The following HEATR5B variants were observed in gnomAD, a reference collection of about 807,000 sequenced individuals.
The protein encoded by HEATR5B is HEAT repeat containing 5B, also known as HEAT repeat-containing protein 5B.
HEATR5B carries 156 observed loss-of-function variants against 224.1 expected under a neutral mutation model. The ratio of observed to expected loss-of-function variants is 0.70; its 90% CI spans 0.61 to 0.80. The LOEUF (loss-of-function observed/expected upper bound fraction) is 0.80. Among genes scored for constraint, HEATR5B ranks in the 30% least tolerant of loss-of-function variants. The pLI, the probability that HEATR5B is intolerant of heterozygous loss-of-function variation, is 0.00. For synonymous variants in HEATR5B, 1,027 were observed against 893.0 expected (o/e 1.15, Z -2.68); for missense variants, 2,323 against 2,535.5 (o/e 0.92, Z 1.80).
intron 17 of HEATR5B, 87 bp downstream of exon 17, chr2:37,053,415 A>C (rs772365350): frequency 1.6e-6 from 1 of 625,280 alleles, no homozygotes; most frequent in Non-Finnish European, 2.6e-6. Flanking sequence ...TTTACATATA[A>C]ACATTATAAT....
chr2:37,010,878 C>A (rs1667742567), intron 27 of HEATR5B, among the ~76,000 whole-genome samples: 6 of 150,260 alleles, frequency 4.0e-5, no homozygotes. Flanking sequence ...CACCTTTTGC[C>A]TTGAATTTGT....
At chr2:37,020,979 C>A (rs1668424410) in intron 24 of HEATR5B, 143 bp from the exon 25 acceptor site, 1 of 570,008 alleles carries the variant, frequency 1.8e-6, no homozygotes, top group African/African-American at 1.9e-5. Context: ...ATATTATATT[C>A]TTTCAAGACA....
intron 31 of HEATR5B, 142 bp from the exon 32 acceptor site, chr2:37,002,714 G>A: frequency 1.2e-6 from 1 of 816,502 alleles, no homozygotes; most frequent in Non-Finnish European, 1.9e-6. Flanking sequence ...ATAATTCTCT[G>A]CCTCCCTAGA....
At chr2:37,007,735 T>TA (rs1430333421) in intron 28 of HEATR5B, among the ~76,000 whole-genome samples, 6 of 152,344 alleles carry the variant, frequency 3.9e-5, no homozygotes, top group Non-Finnish European at 8.8e-5. Context: ...CTCCTCTTTA[T>TA]AAAGCCACCA....
intron 35 of HEATR5B, among the ~76,000 whole-genome samples, chr2:36,988,033 T>C (rs1666062162): frequency 6.6e-6 from 1 of 151,682 alleles, no homozygotes. Context: ...GATGGTGCCA[T>C]TGCATGCCAG....
intron 25 of HEATR5B, 64 bp downstream of exon 25, chr2:37,020,591 T>A: frequency 8.1e-7 from 1 of 1,239,470 alleles, no homozygotes; most frequent in Non-Finnish European, 1.1e-6. Flanking sequence ...CCAGGAAGTC[T>A]GCACTTCTTC....
Position 37,053,452 on chromosome 2 carries a change from T to C in HEATR5B, c.2505+50A>G, listed in dbSNP as rs751790101. 1.0e-5 allele frequency: 10 copies of C among 981,010 alleles called. No homozygotes were observed. The South Asian group carries it at 1.3e-4, about 13-fold the overall frequency. 60.8% of individuals were successfully genotyped at this position (981,010 alleles called of 1,614,324 possible). A position where few individuals can be genotyped will look rare whatever the true frequency, so the allele number is the denominator to read the frequency against. On this transcript the variant is annotated intron_variant, in intron 17 of 35. Coordinates refer to ENST00000233099, the MANE Select transcript of HEATR5B (RefSeq NM_019024.3). ...ATCTTGCTATGTCTGGCTTATTAAA[T>C]GCATTAATTAAAAACTTATTTCAGA... is the stretch of plus-strand genomic sequence containing the variant.
intron 18 of HEATR5B, among the ~76,000 whole-genome samples, chr2:37,043,035 T>C (rs1323714852): frequency 6.6e-6 from 1 of 152,044 alleles, no homozygotes; most frequent in Non-Finnish European, 1.5e-5. Flanking sequence ...GCAGAAATAA[T>C]AGCCAACAAC....
chr2:36,994,901 C>T (rs1666586405), intron 33 of HEATR5B, among the ~76,000 whole-genome samples: 1 of 151,722 alleles, frequency 6.6e-6, no homozygotes. Context: ...CAGGTGCCTG[C>T]CACCACGCCT....
intron 18 of HEATR5B, among the ~76,000 whole-genome samples, chr2:37,042,015 C>A (rs1669903696): frequency 6.6e-6 from 1 of 151,696 alleles, no homozygotes; most frequent in South Asian, 2.1e-4. Flanking sequence ...ATGATTTGAA[C>A]CTCTTTAAAA....
intron 19 of HEATR5B, 23 bp downstream of exon 19, chr2:37,041,110 T>A: frequency 5.7e-6 from 9 of 1,581,548 alleles, no homozygotes; most frequent in Non-Finnish European, 7.7e-6. Flanking sequence ...ACTTTTGTAA[T>A]AAAAAAACCA....
intron 18 of HEATR5B, among the ~76,000 whole-genome samples, chr2:37,048,010 G>C (rs1379244663): frequency 6.6e-6 from 1 of 152,038 alleles, no homozygotes; most frequent in Non-Finnish European, 1.5e-5. Context: ...GAAAAAATGG[G>C]TAACAAAATC....
chr2:37,037,556 C>A, intron 21 of HEATR5B, among the ~76,000 whole-genome samples: 1 of 151,466 alleles, frequency 6.6e-6, no homozygotes, highest in Non-Finnish European at 1.5e-5. Context: ...AACTGAAGTT[C>A]AAAAAACAAA....
intron 10 of HEATR5B, among the ~76,000 whole-genome samples, chr2:37,062,321 T>G (rs1057162799): frequency 1.3e-5 from 2 of 152,084 alleles, no homozygotes; most frequent in Non-Finnish European, 2.9e-5. Context: ...TCCCAGCTAT[T>G]TGGGAGGCTG....
At chr2:37,028,595 G>A in intron 23 of HEATR5B, 86 bp downstream of exon 23, 1 of 976,782 alleles carries the variant, frequency 1.0e-6, no homozygotes, top group Non-Finnish European at 1.5e-6. Context: ...TAATTTACAT[G>A]TATGTATCTT....
At chr2:37,030,928 A>C (rs954112495) in intron 22 of HEATR5B, among the ~76,000 whole-genome samples, 1 of 152,210 alleles carries the variant, frequency 6.6e-6, no homozygotes, top group African/African-American at 2.4e-5. Flanking sequence ...TCCCTGATAA[A>C]AGTGGCTCGC....
At chr2:37,009,772 C>A (rs2691120) in intron 27 of HEATR5B, among the ~76,000 whole-genome samples, 63 of 150,944 alleles carry the variant, frequency 4.2e-4, no homozygotes, top group African/African-American at 1.4e-3. Context: ...AAGCACCCCC[C>A]GCCTCCACTT....
chr2:37,064,695 A>G (rs759184334), intron 10 of HEATR5B, 45 bp downstream of exon 10: 4 of 1,604,062 alleles, frequency 2.5e-6, no homozygotes, highest in Non-Finnish European at 3.4e-6. Context: ...TATAAAGACC[A>G]AAGCCCACGT....
chr2:37,026,973 A>C (rs1409155315), intron 24 of HEATR5B, among the ~76,000 whole-genome samples: 1 of 152,006 alleles, frequency 6.6e-6, no homozygotes, highest in Non-Finnish European at 1.5e-5. Context: ...AATTTGTTGT[A>C]TTTTTAGTAG....
Sources: allele counts gnomAD v4.1 joint callset (sites outside exome capture counted in the v4.1 genomes callset), GRCh38; gene constraint gnomAD v4.1.1; transcripts MANE v1.5; gene names NCBI Gene and HGNC (gene_info 2026-07-23, HGNC 2026-07-21).